Variants in SEMA5A observed in about 807,000 individuals in gnomAD.
The protein encoded by SEMA5A is semaphorin-5A.
In SEMA5A, 55 loss-of-function variants were observed where a neutral mutation model predicts 135.5. The observed-to-expected ratio is 0.41, with a 90% CI of 0.33 to 0.51. The LOEUF is 0.51. Among genes scored for constraint, SEMA5A ranks in the 20% least tolerant of loss-of-function variants. The pLI, the probability that SEMA5A is intolerant of heterozygous loss-of-function variation, is 0.37. For synonymous variants in SEMA5A, 580 were observed against 546.5 expected, an observed-to-expected ratio of 1.06 and a Z score of -0.85; for missense variants, 1,290 against 1,419.9, an observed-to-expected ratio of 0.91 and a Z score of 1.47.
chr5:9,262,852 T>A (rs1579739263), intron 5 of SEMA5A, among the ~76,000 whole-genome samples: 1 of 122,672 alleles, frequency 8.2e-6, no homozygotes. Flanking sequence ...CATATGTAAC[T>A]AACCTGCACA....
At chr5:9,540,803 G>A (rs1738042977) in intron 1 of SEMA5A, among the ~76,000 whole-genome samples, 1 of 152,094 alleles carries the variant, frequency 6.6e-6, no homozygotes, top group African/African-American at 2.4e-5. Context: ...TTGGTAGCTG[G>A]CTCAGAACAG....
In SEMA5A at chr5:9,044,406, T is replaced by C. The variant is rs1207651936; in HGVS notation, c.3072A>G (p.Lys1024=). 6.2e-7 allele frequency: 1 copy of C among 1,613,234 alleles called. No homozygotes were observed. Among genetic ancestry groups the C allele is most frequent in the Admixed American group, 1.7e-5 (1 of 59,964 alleles). ...LNTSITNHIN[K]LDKYDSVEAI... ...CCTCCACCGAGTCGTACTTGTCCAG[T>C]TTGTTGATGTGGTTGGTTATGCTGG... Residue 1024 remains lysine (K), a synonymous_variant, in exon 22 of 23, where the codon AAA becomes AAG. Coordinates refer to ENST00000382496, the MANE Select transcript of SEMA5A (RefSeq NM_003966.3).
At chr5:9,513,264 T>C (rs182296492) in intron 1 of SEMA5A, among the ~76,000 whole-genome samples, 22 of 152,096 alleles carry the variant, frequency 1.4e-4, no homozygotes, top group African/African-American at 5.3e-4. Flanking sequence ...CCGATAATAG[T>C]ATTAAACCAG....
chr5:9,047,764 T>TGCCAGC (rs1434967881), intron 21 of SEMA5A, among the ~76,000 whole-genome samples: 1 of 152,220 alleles, frequency 6.6e-6, no homozygotes. Flanking sequence ...ATTGTGCCAG[T>TGCCAGC]GCCAGCAGCC....
chr5:9,157,487 G>A lies in SEMA5A; in HGVS notation c.1274-2792C>T, dbSNP rs141596382. 3.3e-4 allele frequency among the ~76,000 whole-genome samples: 50 copies of A among 152,264 alleles called. No individual in the cohort carries two copies. The East Asian group carries it at 8.1e-3, about 25-fold the overall frequency. On this transcript the variant is annotated intron_variant, in intron 11 of 22. Coordinates refer to ENST00000382496, the MANE Select transcript of SEMA5A (RefSeq NM_003966.3). ...ACAGCAGCACCATAATCCCAGGGCC[G>A]ATGATGGGACCTCTCCTTCCCTGTC... is the stretch of plus-strand genomic sequence containing the variant.
At chr5:9,118,232 C>T (rs1740625272) in intron 15 of SEMA5A, among the ~76,000 whole-genome samples, 1 of 152,048 alleles carries the variant, frequency 6.6e-6, no homozygotes, top group Admixed American at 6.5e-5. Context: ...AATAAGAATC[C>T]TGAAAGCATT....
chr5:9,318,371 C>T lies in SEMA5A; in HGVS notation c.270+1G>A. On this transcript the variant is annotated splice_donor_variant, in intron 5 of 22. Transcript: ENST00000382496. LOFTEE classifies it high-confidence loss of function. Reference sequence around the variant, plus strand: ...GCTTGAGAAAAATAAATTGCACCTACCTGGATAAGAGACAGATCCTCAAGC... The same window carrying T: ...GCTTGAGAAAAATAAATTGCACCTATCTGGATAAGAGACAGATCCTCAAGC... 1 of 1,611,672 alleles carries T rather than the reference C, an allele frequency of 6.2e-7. No homozygotes were observed.
At chr5:9,455,900 A>T (rs1758814992) in intron 1 of SEMA5A, among the ~76,000 whole-genome samples, 1 of 152,232 alleles carries the variant, frequency 6.6e-6, no homozygotes, top group Non-Finnish European at 1.5e-5. Flanking sequence ...ACTAAAACTT[A>T]CAGAAGACCC....
chr5:9,302,919 C>A (rs889993953), intron 5 of SEMA5A, among the ~76,000 whole-genome samples: 5 of 152,122 alleles, frequency 3.3e-5, no homozygotes, highest in Admixed American at 1.3e-4. Flanking sequence ...ATGAATCAAT[C>A]TAAATTTATT....
chr5:9,423,150 CACTGTGG>C (rs1332727404), intron 2 of SEMA5A, among the ~76,000 whole-genome samples: 1 of 152,130 alleles, frequency 6.6e-6, no homozygotes, highest in Non-Finnish European at 1.5e-5. Context: ...GGCTGAGGGC[CACTGTGG>C]ACGCAGAAGG....
intron 2 of SEMA5A, among the ~76,000 whole-genome samples, chr5:9,395,393 T>C (rs1037101327): frequency 6.6e-6 from 1 of 152,188 alleles, no homozygotes; most frequent in African/African-American, 2.4e-5. Context: ...AAAAAAGTTA[T>C]GTTCAGAATG....
chr5:9,153,086 C>T (rs1289930418), intron 12 of SEMA5A, among the ~76,000 whole-genome samples: 4 of 145,986 alleles, frequency 2.7e-5, no homozygotes, highest in African/African-American at 7.5e-5. Context: ...AAAAAAAAGG[C>T]AACAACAGGT....
intron 16 of SEMA5A, among the ~76,000 whole-genome samples, chr5:9,078,832 A>T (rs929742100): frequency 1.3e-5 from 2 of 152,120 alleles, no homozygotes; most frequent in Admixed American, 6.5e-5. Context: ...AAACCATCTC[A>T]TTGATAAAAA....
chr5:9,047,360 T>A (rs1376222504), intron 21 of SEMA5A, among the ~76,000 whole-genome samples: 1 of 152,234 alleles, frequency 6.6e-6, no homozygotes, highest in African/African-American at 2.4e-5. Context: ...GATGATTATA[T>A]AGTCTTTGTG....
chr5:9,453,593 C>T (rs1027473139), intron 1 of SEMA5A, among the ~76,000 whole-genome samples: 4 of 152,054 alleles, frequency 2.6e-5, no homozygotes, highest in Non-Finnish European at 5.9e-5. Context: ...GTTAATGAAC[C>T]AATTGCATAT....
At chr5:9,492,699 C>T (rs936221539) in intron 1 of SEMA5A, among the ~76,000 whole-genome samples, 1 of 152,148 alleles carries the variant, frequency 6.6e-6, no homozygotes, top group Admixed American at 6.6e-5. Flanking sequence ...AAGAAATGAG[C>T]TAGCAAGCAA....
At chr5:9,334,124 CT>C (rs1161660819) in intron 4 of SEMA5A, among the ~76,000 whole-genome samples, 2 of 152,012 alleles carry the variant, frequency 1.3e-5, no homozygotes, top group Non-Finnish European at 2.9e-5. Context: ...TACAAAGAAT[CT>C]TTAACTGTTT....
intron 1 of SEMA5A, among the ~76,000 whole-genome samples, chr5:9,452,954 A>T (rs1758700303): frequency 6.6e-6 from 1 of 152,082 alleles, no homozygotes; most frequent in Non-Finnish European, 1.5e-5. Context: ...CTGTCAAATG[A>T]CTCAATGCCA....
intron 1 of SEMA5A, among the ~76,000 whole-genome samples, chr5:9,496,380 A>C (rs983683386): frequency 1.3e-5 from 2 of 152,200 alleles, no homozygotes; most frequent in African/African-American, 4.8e-5. Flanking sequence ...AATAATGTCA[A>C]CTAATGAAGA....
Sources: gnomAD v4.1 joint callset for allele counts (sites outside exome capture counted in the v4.1 genomes callset) on GRCh38, gnomAD v4.1.1 for gene constraint, MANE v1.5 for transcripts, NCBI Gene and HGNC (gene_info 2026-07-23, HGNC 2026-07-21) for gene names.